NETO1: variants seen among roughly 807,000 people sequenced by gnomAD.
The protein encoded by NETO1 is neuropilin and tolloid like 1.
Under a neutral mutation model 61.3 loss-of-function variants are expected in NETO1, and 26 were observed. The ratio of observed to expected loss-of-function variants is 0.42; its 90% CI spans 0.31 to 0.59. NETO1 has a LOEUF of 0.59. Among genes scored for constraint, NETO1 ranks in the 20% least tolerant of loss-of-function variants. NETO1 has a pLI of 0.12. For synonymous variants in NETO1, 225 were observed against 225.8 expected, an observed-to-expected ratio of 1.00 and a Z score of 0.03; for missense variants, 531 against 662.8, an observed-to-expected ratio of 0.80 and a Z score of 2.18.
At chr18:72,822,326 T>C (rs2073224340) in intron 4 of NETO1, among the ~76,000 whole-genome samples, 1 of 152,124 alleles carries the variant, frequency 6.6e-6, no homozygotes, top group African/African-American at 2.4e-5. Context: ...CCTGACTCCA[T>C]ATGGGCTCCC....
At chr18:72,866,899 T>G in intron 1 of NETO1, 1 of 601,630 alleles carries the variant, frequency 1.7e-6, no homozygotes, top group East Asian at 6.1e-5. Context: ...AGAGGAAGAC[T>G]CCTCTGGCCC....
intron 6 of NETO1, among the ~76,000 whole-genome samples, chr18:72,784,877 G>T (rs2071861183): frequency 6.6e-6 from 1 of 152,186 alleles, no homozygotes; most frequent in Non-Finnish European, 1.5e-5. Context: ...ACTGTTCAAG[G>T]CGTTGTGGAT....
intron 7 of NETO1, among the ~76,000 whole-genome samples, chr18:72,757,527 C>G (rs2070822798): frequency 6.6e-6 from 1 of 152,018 alleles, no homozygotes; most frequent in Non-Finnish European, 1.5e-5. Flanking sequence ...CCTCTCTGTT[C>G]ATTTTGACTT....
At chr18:72,777,805 G>A (rs2071607644) in intron 7 of NETO1, among the ~76,000 whole-genome samples, 1 of 152,120 alleles carries the variant, frequency 6.6e-6, no homozygotes, top group Admixed American at 6.5e-5. Flanking sequence ...TAAACACACT[G>A]GGGTAGAGGT....
At chr18:72,762,540 A>C (rs1343036015) in intron 7 of NETO1, among the ~76,000 whole-genome samples, 1 of 152,230 alleles carries the variant, frequency 6.6e-6, no homozygotes, top group Non-Finnish European at 1.5e-5. Context: ...TTTTGTAATT[A>C]AAGGATAACT....
At chr18:72,758,797 C>T (rs1300160336) in intron 7 of NETO1, among the ~76,000 whole-genome samples, 31 of 152,112 alleles carry the variant, frequency 2.0e-4, no homozygotes, top group African/African-American at 7.0e-4. Context: ...GATTGCGCCA[C>T]TGTACTCCAG....
intron 4 of NETO1, among the ~76,000 whole-genome samples, chr18:72,828,150 T>C (rs11151806): frequency 0.016 from 2,507 of 152,184 alleles, 72 homozygotes; most frequent in African/African-American, 0.056. Context: ...CCGTCTCTAC[T>C]AAATACAAAA....
At chr18:72,807,640 A>C (rs939515450) in intron 4 of NETO1, among the ~76,000 whole-genome samples, 1 of 151,954 alleles carries the variant, frequency 6.6e-6, no homozygotes, top group Non-Finnish European at 1.5e-5. Flanking sequence ...TAATCATAGA[A>C]AGATGTGGGG....
chr18:72,751,747 G>C (rs1416086567), intron 8 of NETO1, among the ~76,000 whole-genome samples: 1 of 152,170 alleles, frequency 6.6e-6, no homozygotes, highest in Non-Finnish European at 1.5e-5. Flanking sequence ...TGCATAAACA[G>C]ACCTGTACCA....
At chr18:72,793,558 T>TA (rs993867144) in intron 6 of NETO1, among the ~76,000 whole-genome samples, 3 of 152,208 alleles carry the variant, frequency 2.0e-5, no homozygotes, top group African/African-American at 7.2e-5. Flanking sequence ...GAGGGTTTGA[T>TA]AATGCTGGAC....
At chr18:72,784,758 C>T (rs1395250224) in intron 6 of NETO1, among the ~76,000 whole-genome samples, 1 of 152,200 alleles carries the variant, frequency 6.6e-6, no homozygotes, top group Non-Finnish European at 1.5e-5. Context: ...AATGTGCATT[C>T]AAAATCACAA....
At chr18:72,786,656 T>C (rs2071929374) in intron 6 of NETO1, among the ~76,000 whole-genome samples, 1 of 152,130 alleles carries the variant, frequency 6.6e-6, no homozygotes, top group Admixed American at 6.6e-5. Flanking sequence ...ATATTACTCA[T>C]GCAGTCCATC....
intron 4 of NETO1, among the ~76,000 whole-genome samples, chr18:72,832,482 A>C (rs1208931470): frequency 3.9e-5 from 6 of 152,302 alleles, no homozygotes; most frequent in African/African-American, 1.4e-4. Flanking sequence ...CTTCTAAATA[A>C]TACTTCAAAA....
At chr18:72,837,483 C>T (rs550798197) in intron 4 of NETO1, among the ~76,000 whole-genome samples, 3 of 152,180 alleles carry the variant, frequency 2.0e-5, no homozygotes, top group East Asian at 1.9e-4. Flanking sequence ...TTTCATAGGA[C>T]GAACTGCACA....
chr18:72,833,982 G>A (rs1358373315), intron 4 of NETO1: 1 of 359,478 alleles, frequency 2.8e-6, no homozygotes, highest in Non-Finnish European at 3.9e-6. Flanking sequence ...AAATTAGCAA[G>A]TCCAAAGTGA....
chr18:72,856,980 A>G (rs1037196344), intron 4 of NETO1, among the ~76,000 whole-genome samples: 2 of 152,342 alleles, frequency 1.3e-5, no homozygotes, highest in South Asian at 2.1e-4. Flanking sequence ...TCCTATTTCA[A>G]TAAGTAATTG....
At chr18:72,855,123 A>C (rs1293858457) in intron 4 of NETO1, among the ~76,000 whole-genome samples, 1 of 152,148 alleles carries the variant, frequency 6.6e-6, no homozygotes, top group Non-Finnish European at 1.5e-5. Context: ...CAAATATTCC[A>C]TGGCGTAACT....
chr18:72,807,660 A>C (rs2072717540), intron 4 of NETO1, among the ~76,000 whole-genome samples: 1 of 152,054 alleles, frequency 6.6e-6, no homozygotes, highest in Non-Finnish European at 1.5e-5. Flanking sequence ...GGATAGAGTG[A>C]AGAAGAAATC....
chr18:72,800,258 T>C (rs936815865), intron 4 of NETO1, among the ~76,000 whole-genome samples: 8 of 152,228 alleles, frequency 5.3e-5, no homozygotes, highest in African/African-American at 1.9e-4. Flanking sequence ...TTGCAAATGA[T>C]GGTGACTTTA....
Sources: gnomAD v4.1 joint callset for allele counts (sites outside exome capture counted in the v4.1 genomes callset) on GRCh38, gnomAD v4.1.1 for gene constraint, MANE v1.5 for transcripts, NCBI Gene and HGNC (gene_info 2026-07-23, HGNC 2026-07-21) for gene names.